The following NTRK3 variants were observed in gnomAD, a reference collection of about 807,000 sequenced individuals.
The protein encoded by NTRK3 is NT-3 growth factor receptor.
NTRK3 carries 24 observed loss-of-function variants against 91.7 expected under a neutral mutation model. The ratio of observed to expected loss-of-function variants is 0.26; its 90% CI spans 0.19 to 0.37. The LOEUF is 0.37. Among genes scored for constraint, NTRK3 ranks in the 10% least tolerant of loss-of-function variants. The pLI, the probability that NTRK3 is intolerant of heterozygous loss-of-function variation, is 1.00. For synonymous variants in NTRK3, 483 were observed against 404.0 expected, an observed-to-expected ratio of 1.20 and a Z score of -2.34; for missense variants, 880 against 1,068.9, an observed-to-expected ratio of 0.82 and a Z score of 2.46.
At chr15:88,147,279 C>G in intron 6 of NTRK3, 56 bp downstream of exon 6, 1 of 1,504,438 alleles carries the variant, frequency 6.6e-7, no homozygotes, top group Admixed American at 1.7e-5. Context: ...ACACTCCTCC[C>G]CATCCACCCA....
At chr15:87,987,411 G>C (rs2074907292) in intron 14 of NTRK3, among the ~76,000 whole-genome samples, 2 of 151,922 alleles carry the variant, frequency 1.3e-5, no homozygotes, top group African/African-American at 2.4e-5. Flanking sequence ...CTCAATAAGG[G>C]TTTCCCCAAT....
intron 14 of NTRK3, among the ~76,000 whole-genome samples, chr15:87,999,610 T>A (rs1006276933): frequency 6.6e-6 from 1 of 152,188 alleles, no homozygotes; most frequent in Non-Finnish European, 1.5e-5. Flanking sequence ...CTGGGAGGAA[T>A]ATGGCAGGCC....
chr15:88,136,120 G>GGTATTT, intron 8 of NTRK3, 80 bp from the exon 9 acceptor site: 1 of 1,540,690 alleles, frequency 6.5e-7, no homozygotes, highest in Non-Finnish European at 9.0e-7. Context: ...AATACCTTTA[G>GGTATTT]GAATCAAAAG....
At chr15:88,228,959 C>T (rs9646227) in intron 3 of NTRK3, among the ~76,000 whole-genome samples, 117,207 of 151,484 alleles carry the variant, frequency 0.77, 47,469 homozygotes, top group East Asian at 0.96. Context: ...GGAGCTCCCT[C>T]CTTTGCTGGT....
At chr15:88,045,771 C>CA (rs1365395567) in intron 13 of NTRK3, among the ~76,000 whole-genome samples, 2 of 152,198 alleles carry the variant, frequency 1.3e-5, no homozygotes, top group African/African-American at 4.8e-5. Flanking sequence ...GTTAATGCAT[C>CA]ACTCTGACCT....
chr15:87,909,595 C>A (rs2066967441), intron 17 of NTRK3, among the ~76,000 whole-genome samples: 1 of 152,070 alleles, frequency 6.6e-6, no homozygotes, highest in South Asian at 2.1e-4. Context: ...GACAGATGGG[C>A]AGTTGGGAAG....
chr15:88,082,740 G>A (rs1446471387), intron 13 of NTRK3, among the ~76,000 whole-genome samples: 1 of 152,208 alleles, frequency 6.6e-6, no homozygotes, highest in Non-Finnish European at 1.5e-5. Context: ...CTTGCAGAGT[G>A]TGTTCCCAAG....
chr15:88,032,978 G>T, exon 14 of NTRK3: 1 of 1,611,568 alleles, frequency 6.2e-7, no homozygotes, highest in East Asian at 2.2e-5. Flanking sequence ...AGGGCGTGGT[G>T]ATGCCGTGGT....
rs2045335440 is a variant in NTRK3, at chr15:88,052,715, T to C, written c.1397-19670A>G. Among the ~76,000 whole-genome samples, 3 of 152,162 alleles carry C rather than the reference T, an allele frequency of 2.0e-5. No individual in the cohort carries two copies. In the South Asian group the frequency reaches 6.2e-4, roughly 32 times the overall value. On this transcript the variant is annotated intron_variant, in intron 13 of 18. Coordinates refer to ENST00000394480, the Ensembl canonical transcript of NTRK3. ...GAGAAATGAGATGGAAAGTGAAAAA[T>C]CTTTGGGTAATGGAGGTGGAGGGTG...
intron 14 of NTRK3, among the ~76,000 whole-genome samples, chr15:87,996,675 C>T (rs1461117752): frequency 6.6e-6 from 1 of 152,160 alleles, no homozygotes; most frequent in African/African-American, 2.4e-5. Flanking sequence ...AAACCTCATG[C>T]CCTTGACTTT....
chr15:88,182,227 A>G (rs2046536001), intron 5 of NTRK3, among the ~76,000 whole-genome samples: 1 of 152,170 alleles, frequency 6.6e-6, no homozygotes, highest in Non-Finnish European at 1.5e-5. Flanking sequence ...GGCCATACTG[A>G]TAAACAAATA....
chr15:88,010,335 T>A lies in NTRK3; in HGVS notation c.1585+22522A>T, dbSNP rs570571081. On this transcript the variant is annotated intron_variant, in intron 14 of 18. Transcript: ENST00000394480. Reference sequence around the variant, plus strand: ...CACGGCTCCAGTCCAGGGTCCTGGCTTGGAACTTCGGGTCTTCTCTACAAT... The same window carrying A: ...CACGGCTCCAGTCCAGGGTCCTGGCATGGAACTTCGGGTCTTCTCTACAAT... 1.7e-4 allele frequency among the ~76,000 whole-genome samples: 26 copies of A among 152,340 alleles called. No individual in the cohort carries two copies. The East Asian group carries it at 4.8e-3, about 28-fold the overall frequency.
At chr15:88,155,848 A>ATG (rs1567544829) in intron 5 of NTRK3, among the ~76,000 whole-genome samples, 1 of 139,582 alleles carries the variant, frequency 7.2e-6, no homozygotes, top group African/African-American at 2.7e-5. Context: ...ATCTATCTAT[A>ATG]TAAATGAGGT....
intron 13 of NTRK3, among the ~76,000 whole-genome samples, chr15:88,041,563 G>C (rs555884580): frequency 6.6e-6 from 1 of 152,240 alleles, no homozygotes; most frequent in South Asian, 2.1e-4. Flanking sequence ...TTTTTCCTGG[G>C]TTGGCATTTG....
At chr15:87,873,919 C>A (rs890846805) in exon 19 of NTRK3, 2 of 230,516 alleles carry the variant, frequency 8.7e-6, no homozygotes, top group South Asian at 1.8e-4. Flanking sequence ...AACTGCCCCC[C>A]ACCTATGCAA....
At chr15:88,082,277 C>T (rs963275837) in intron 13 of NTRK3, among the ~76,000 whole-genome samples, 2 of 70,044 alleles carry the variant, frequency 2.9e-5, no homozygotes, top group African/African-American at 9.1e-5. Flanking sequence ...GACTCTGTCT[C>T]AAAAAAAAAA....
intron 5 of NTRK3, among the ~76,000 whole-genome samples, chr15:88,157,870 G>A (rs942355505): frequency 6.6e-6 from 1 of 152,212 alleles, no homozygotes; most frequent in Non-Finnish European, 1.5e-5. Context: ...TGGTAGCAGA[G>A]GCTGGTAGCT....
chr15:87,942,989 G>A lies in NTRK3; in HGVS notation c.1586-2236C>T, dbSNP rs1279152237. 6.6e-5 allele frequency among the ~76,000 whole-genome samples: 10 copies of A among 152,114 alleles called. No homozygotes were observed. The South Asian group carries it at 8.3e-4, about 13-fold the overall frequency. ...GCCAAGTTACTTGGGGAAGAGCACC[G>A]TTTGGCCCCAGACTCCACCCCAATC... On this transcript the variant is annotated intron_variant, in intron 14 of 18. Coordinates refer to ENST00000394480, the Ensembl canonical transcript of NTRK3.
intron 14 of NTRK3, among the ~76,000 whole-genome samples, chr15:88,027,293 G>GA (rs892169636): frequency 2.0e-5 from 3 of 152,038 alleles, no homozygotes; most frequent in Non-Finnish European, 2.9e-5. Context: ...GATCGCATAA[G>GA]AAAAAAAACA....
Sources: gnomAD v4.1 joint callset for allele counts (sites outside exome capture counted in the v4.1 genomes callset) on GRCh38, gnomAD v4.1.1 for gene constraint, MANE v1.5 for transcripts, NCBI Gene and HGNC (gene_info 2026-07-23, HGNC 2026-07-21) for gene names.